The following KAZN variants were observed in gnomAD, a reference collection of about 807,000 sequenced individuals.
KAZN encodes kazrin.
Under a neutral mutation model 87.4 loss-of-function variants are expected in KAZN, and 40 were observed. That is an observed-to-expected ratio of 0.46 (90% CI 0.36 to 0.60). The LOEUF (loss-of-function observed/expected upper bound fraction) is 0.60. Ranked by LOEUF, KAZN falls within the 20% of genes least tolerant of loss-of-function variation. KAZN has a pLI of 0.00. For synonymous variants in KAZN, 466 were observed against 458.3 expected, an observed-to-expected ratio of 1.02 and a Z score of -0.22; for missense variants, 898 against 1,073.9, an observed-to-expected ratio of 0.84 and a Z score of 2.29.
intron 2 of KAZN, among the ~76,000 whole-genome samples, chr1:14,353,461 C>A (rs1658728743): frequency 6.6e-6 from 1 of 152,050 alleles, no homozygotes; most frequent in South Asian, 2.1e-4. Flanking sequence ...CATTGTGATC[C>A]ACCCTCCTCG....
chr1:14,243,051 A>T (rs1649121552), intron 2 of KAZN, among the ~76,000 whole-genome samples: 1 of 152,142 alleles, frequency 6.6e-6, no homozygotes, highest in South Asian at 2.1e-4. Context: ...AGACAGTTAA[A>T]AGCCCTTCAA....
At chr1:14,037,375 C>A (rs772354328) in intron 1 of KAZN, among the ~76,000 whole-genome samples, 3 of 152,222 alleles carry the variant, frequency 2.0e-5, no homozygotes, top group Admixed American at 1.3e-4. Context: ...AAGCTATCCC[C>A]TACCAGTGTA....
At chr1:14,487,820 G>T (rs1422631733) in intron 2 of KAZN, among the ~76,000 whole-genome samples, 5 of 152,196 alleles carry the variant, frequency 3.3e-5, no homozygotes, top group Non-Finnish European at 5.9e-5. Flanking sequence ...GATGCCATGG[G>T]GCAGAAGGTC....
chr1:14,201,222 A>G (rs542861803), intron 2 of KAZN, among the ~76,000 whole-genome samples: 1 of 152,340 alleles, frequency 6.6e-6, no homozygotes, highest in African/African-American at 2.4e-5. Flanking sequence ...TTCTTTAGCT[A>G]AACCTCTCGT....
chr1:14,232,598 A>G (rs1647969994), intron 2 of KAZN, among the ~76,000 whole-genome samples: 1 of 152,172 alleles, frequency 6.6e-6, no homozygotes, highest in East Asian at 1.9e-4. Flanking sequence ...CAGCTGATAC[A>G]GGGCTGAGAT....
chr1:14,788,693 TACCGAC>T (rs1454851121), intron 1 of KAZN, among the ~76,000 whole-genome samples: 1 of 152,148 alleles, frequency 6.6e-6, no homozygotes, highest in Non-Finnish European at 1.5e-5. Context: ...ACTCTGCTGC[TACCGAC>T]ACTCATCTTC....
intron 1 of KAZN, among the ~76,000 whole-genome samples, chr1:14,915,065 T>C (rs999263735): frequency 6.6e-6 from 1 of 152,110 alleles, no homozygotes; most frequent in African/African-American, 2.4e-5. Flanking sequence ...TGCATGCCTG[T>C]AATCCCAGCT....
chr1:14,833,382 C>G (rs1198520479), intron 1 of KAZN, among the ~76,000 whole-genome samples: 1 of 152,028 alleles, frequency 6.6e-6, no homozygotes, highest in African/African-American at 2.4e-5. Flanking sequence ...CCTGGGAGCA[C>G]TGGTGTGTGT....
chr1:15,108,310 G>A (rs915141507), intron 13 of KAZN, among the ~76,000 whole-genome samples: 4 of 152,206 alleles, frequency 2.6e-5, no homozygotes, highest in African/African-American at 7.2e-5. Context: ...CCTGAAATGT[G>A]AGCCCAAACT....
chr1:14,713,948 C>G (rs1184512995), intron 1 of KAZN, among the ~76,000 whole-genome samples: 2 of 151,976 alleles, frequency 1.3e-5, no homozygotes, highest in African/African-American at 4.8e-5. Flanking sequence ...AGAGCGAGAT[C>G]CTGTCTCAAG....
chr1:14,845,361 GTGGA>G (rs59955064), intron 1 of KAZN, among the ~76,000 whole-genome samples: 8,681 of 147,238 alleles, frequency 0.059, 296 homozygotes, highest in Admixed American at 0.11. Context: ...GGATGGATGA[GTGGA>G]TGGATGGATG....
intron 1 of KAZN, among the ~76,000 whole-genome samples, chr1:14,626,329 T>C (rs10803290): frequency 0.37 from 55,957 of 152,216 alleles, 11,735 homozygotes; most frequent in African/African-American, 0.59. Flanking sequence ...AGCCATTAGC[T>C]GGTAAAGCTA....
intron 1 of KAZN, among the ~76,000 whole-genome samples, chr1:14,871,261 AGC>A: frequency 6.6e-6 from 1 of 152,162 alleles, no homozygotes; most frequent in Non-Finnish European, 1.5e-5. Context: ...TTGCCCAATC[AGC>A]TCTCTTCTAG....
chr1:14,328,078 A>G (rs1490103761), intron 2 of KAZN, among the ~76,000 whole-genome samples: 1 of 152,204 alleles, frequency 6.6e-6, no homozygotes, highest in African/African-American at 2.4e-5. Flanking sequence ...CTTTTCACCC[A>G]CTATAGACCA....
intron 2 of KAZN, among the ~76,000 whole-genome samples, chr1:14,294,704 T>C (rs1458398279): frequency 1.4e-5 from 2 of 146,540 alleles, no homozygotes; most frequent in Admixed American, 1.3e-4. Context: ...GTTTTATACT[T>C]CTGGAAAATC....
At chr1:14,397,968 T>TG (rs1035221092) in intron 2 of KAZN, among the ~76,000 whole-genome samples, 13 of 151,810 alleles carry the variant, frequency 8.6e-5, no homozygotes, top group African/African-American at 3.1e-4. Context: ...AAGAGACATA[T>TG]GGAGCCAAAA....
At chr1:14,374,039 A>T (rs1473073821) in intron 2 of KAZN, among the ~76,000 whole-genome samples, 1 of 152,222 alleles carries the variant, frequency 6.6e-6, no homozygotes, top group Non-Finnish European at 1.5e-5. Flanking sequence ...ACTGACGTTC[A>T]TGTCCATCAG....
intron 1 of KAZN, among the ~76,000 whole-genome samples, chr1:14,727,265 CCCAGGGCTT>C (rs1245947831): frequency 1.3e-5 from 2 of 151,960 alleles, no homozygotes; most frequent in Admixed American, 1.3e-4. Context: ...TGGACGTGAA[CCCAGGGCTT>C]CCTGAATCAG....
rs536200764 is a variant in KAZN, at chr1:14,887,521, C to T, written c.227-73163C>T. On this transcript the variant is annotated intron_variant, in intron 1 of 14. Coordinates refer to ENST00000376030, the MANE Select transcript of KAZN (RefSeq NM_201628.3). ...TTGACATTTCTAGTTTGTCTGCCTA[C>T]GCAGGGTTATCAGGAGTAAAATAAT... Among the ~76,000 whole-genome samples the T allele has an allele frequency of 9.4e-4, 143 of 152,336 alleles. 1 individual carries two copies. Among genetic ancestry groups the T allele is most frequent in the African/African-American group, 3.2e-3 (132 of 41,558 alleles).
Sources: allele counts gnomAD v4.1 joint callset (sites outside exome capture counted in the v4.1 genomes callset), GRCh38; gene constraint gnomAD v4.1.1; transcripts MANE v1.5; gene names NCBI Gene and HGNC (gene_info 2026-07-23, HGNC 2026-07-21).